Variants in ACTR3C observed in about 807,000 individuals in gnomAD.
ACTR3C encodes the protein actin related protein 3C, also known as actin-related protein 3C.
ACTR3C carries 18 observed loss-of-function variants against 26.3 expected under a neutral mutation model. That is an observed-to-expected ratio of 0.68 (90% CI 0.47 to 1.01). ACTR3C has a LOEUF of 1.01. Among genes scored for constraint, ACTR3C ranks in the 50% least tolerant of loss-of-function variants. ACTR3C has a pLI of 0.00. For missense variants in ACTR3C, 184 were observed against 250.7 expected (o/e 0.73, Z 1.80); for synonymous variants, 55 against 94.5 (o/e 0.58, Z 2.42).
chr7:150,260,154 T>C (rs927417397), intron 6 of ACTR3C, among the ~76,000 whole-genome samples: 3 of 152,220 alleles, frequency 2.0e-5, no homozygotes, highest in Admixed American at 6.5e-5. Context: ...GGCTGCCTTG[T>C]GGCCTGCAAA....
chr7:149,994,479 C>T, the ACTR3C span, among the ~76,000 whole-genome samples: 2 of 152,142 alleles, frequency 1.3e-5, no homozygotes, highest in Non-Finnish European at 2.9e-5. Context: ...TGCCTGTAAT[C>T]CCAGCTACTC....
chr7:150,180,363 T>A, the ACTR3C span, among the ~76,000 whole-genome samples: 52 of 150,842 alleles, frequency 3.4e-4, 2 homozygotes, highest in African/African-American at 1.2e-3. Context: ...TTTTTTTACA[T>A]AAAGTGCTAA....
chr7:149,954,786 A>G, the ACTR3C span, among the ~76,000 whole-genome samples: 2 of 152,210 alleles, frequency 1.3e-5, no homozygotes, highest in Admixed American at 6.5e-5. Context: ...TGGGAGTACG[A>G]TATCTTTCAA....
intron 3 of ACTR3C, among the ~76,000 whole-genome samples, chr7:150,291,332 G>A (rs1836245223): frequency 6.6e-6 from 1 of 152,320 alleles, no homozygotes; most frequent in East Asian, 1.9e-4. Flanking sequence ...AGGAGGCTGA[G>A]GCAGGAGAAT....
At chr7:150,007,407 C>A in the ACTR3C span, among the ~76,000 whole-genome samples, 1 of 152,180 alleles carries the variant, frequency 6.6e-6, no homozygotes, top group African/African-American at 2.4e-5. Context: ...AGCATTGGAA[C>A]CTCTAAAGGT....
chr7:149,948,629 C>T, the ACTR3C span, among the ~76,000 whole-genome samples: 2 of 151,324 alleles, frequency 1.3e-5, no homozygotes, highest in African/African-American at 4.9e-5. Context: ...CCTCACCGTC[C>T]CCGGGCAGTT....
the ACTR3C span, among the ~76,000 whole-genome samples, chr7:150,074,902 CTACA>C: frequency 6.6e-6 from 1 of 152,128 alleles, no homozygotes; most frequent in African/African-American, 2.4e-5. Context: ...TAAACACATA[CTACA>C]TACATAGGTA....
chr7:150,165,812 G>A, the ACTR3C span, among the ~76,000 whole-genome samples: 2 of 150,700 alleles, frequency 1.3e-5, no homozygotes, highest in East Asian at 1.9e-4. Context: ...GGCACAGGTC[G>A]AGGACTGGTG....
the ACTR3C span, among the ~76,000 whole-genome samples, chr7:149,952,888 A>G: frequency 4.6e-5 from 7 of 151,940 alleles, no homozygotes; most frequent in South Asian, 1.4e-3. Flanking sequence ...TAAATTTTCT[A>G]AAAGATAATT....
At chr7:150,002,934 C>T in the ACTR3C span, 1 of 152,234 alleles carries the variant, frequency 6.6e-6, no homozygotes. Flanking sequence ...GGCGGGATCC[C>T]CCTACCCACA....
At chr7:150,231,099 C>T in the ACTR3C span, among the ~76,000 whole-genome samples, 6 of 152,118 alleles carry the variant, frequency 3.9e-5, no homozygotes, top group Non-Finnish European at 7.3e-5. Context: ...CTAAGCACTG[C>T]TTTCATTGCA....
intron 1 of ACTR3C, among the ~76,000 whole-genome samples, chr7:150,300,197 A>C (rs746126653): frequency 4.7e-4 from 72 of 152,078 alleles, no homozygotes; most frequent in Admixed American, 1.6e-3. Context: ...CTAAAAATAC[A>C]AAAATTAGCC....
chr7:150,011,531 G>A, the ACTR3C span, among the ~76,000 whole-genome samples: 2 of 152,204 alleles, frequency 1.3e-5, no homozygotes, highest in East Asian at 3.8e-4. Flanking sequence ...GTTGCAGTGA[G>A]CCAAGATCGC....
chr7:149,896,798 G>A, the ACTR3C span, among the ~76,000 whole-genome samples: 3 of 151,868 alleles, frequency 2.0e-5, no homozygotes, highest in Non-Finnish European at 2.9e-5. Flanking sequence ...GGTGGCTCAC[G>A]CCTGTAATCC....
chr7:150,237,444 C>A, the ACTR3C span, among the ~76,000 whole-genome samples: 1 of 152,040 alleles, frequency 6.6e-6, no homozygotes, highest in African/African-American at 2.4e-5. Context: ...CCCCAGCCCT[C>A]AACCCTAAGA....
the ACTR3C span, among the ~76,000 whole-genome samples, chr7:150,043,174 G>A: frequency 6.3e-4 from 94 of 150,186 alleles, 1 homozygote; most frequent in African/African-American, 2.2e-3. Context: ...TAAATCCCAC[G>A]CAAGGTACCT....
chr7:150,239,089 TA>T (rs975268273), downstream of ACTR3C, among the ~76,000 whole-genome samples: 1 of 152,078 alleles, frequency 6.6e-6, no homozygotes, highest in Non-Finnish European at 1.5e-5. Flanking sequence ...TTATATATAC[TA>T]ACCATATATT....
the ACTR3C span, among the ~76,000 whole-genome samples, chr7:149,918,274 T>C: frequency 6.6e-6 from 1 of 152,200 alleles, no homozygotes; most frequent in East Asian, 1.9e-4. Flanking sequence ...CCAGTTAAAG[T>C]GTTTTAAAAG....
chr7:149,999,870 C>T, the ACTR3C span, among the ~76,000 whole-genome samples: 30 of 151,974 alleles, frequency 2.0e-4, no homozygotes, highest in African/African-American at 6.8e-4. Context: ...CCTTGCTACA[C>T]AACCATAACT....
Sources: gnomAD v4.1 joint callset for allele counts (sites outside exome capture counted in the v4.1 genomes callset) on GRCh38, gnomAD v4.1.1 for gene constraint, MANE v1.5 for transcripts, NCBI Gene and HGNC (gene_info 2026-07-23, HGNC 2026-07-21) for gene names.